The following COL21A1 variants were observed in gnomAD, a reference collection of about 807,000 sequenced individuals.
COL21A1 encodes the protein collagen type XXI alpha 1 chain, also known as collagen alpha-1(XXI) chain.
A neutral mutation model predicts 137.9 loss-of-function variants in COL21A1; 149 were observed. The observed-to-expected ratio is 1.08, with a 90% CI of 0.95 to 1.24. The LOEUF is 1.24. Ranked by LOEUF, COL21A1 falls within the 50% of genes most tolerant of loss-of-function variation. COL21A1 has a pLI of 0.00. For synonymous variants in COL21A1, 456 were observed against 391.5 expected, an observed-to-expected ratio of 1.16 and a Z score of -1.95; for missense variants, 1,167 against 1,158.4, an observed-to-expected ratio of 1.01 and a Z score of -0.11.
chr6:56,344,017 G>C (rs553071345), intron 1 of COL21A1, among the ~76,000 whole-genome samples: 3 of 152,320 alleles, frequency 2.0e-5, no homozygotes, highest in African/African-American at 7.2e-5. Context: ...ATTTTGGCCA[G>C]TTTTCATTGT....
At chr6:56,371,028 C>A (rs6899968) in intron 1 of COL21A1, among the ~76,000 whole-genome samples, 105,867 of 152,030 alleles carry the variant, frequency 0.7, 37,222 homozygotes, top group East Asian at 0.93. Context: ...ACCTGCTTTC[C>A]CTTCCTCTAG....
At chr6:56,352,909 C>T (rs748180229) in intron 1 of COL21A1, among the ~76,000 whole-genome samples, 13 of 151,964 alleles carry the variant, frequency 8.6e-5, no homozygotes, top group Non-Finnish European at 1.8e-4. Flanking sequence ...GGCGTGGTGG[C>T]GCAAGTCTGT....
rs371191852 is a variant in COL21A1, at chr6:56,297,211, G to A, written c.-39+96760C>T. 2.2e-3 allele frequency among the ~76,000 whole-genome samples: 335 copies of A among 152,128 alleles called. 2 individuals are homozygous for A. Among genetic ancestry groups the A allele is most frequent in the African/African-American group, 7.7e-3 (318 of 41,538 alleles). ...CTCAACACAGATTAAGTTGCCATGC[G>A]CATGAGTTACTCAGCATGAATAAAA... On this transcript the variant is annotated intron_variant, in intron 1 of 28. Coordinates refer to the COL21A1 transcript ENST00000370819.
At chr6:56,139,114 T>C (rs1774213440) in intron 12 of COL21A1, among the ~76,000 whole-genome samples, 1 of 152,124 alleles carries the variant, frequency 6.6e-6, no homozygotes, top group Admixed American at 6.6e-5. Context: ...TCTGTCTGAT[T>C]GTTTCAGATG....
rs1765038478 is a variant in COL21A1, at chr6:56,325,661, T to TA, written c.-39+68309_-39+68310insT. ...AATATATAATATAATATATTATATA[T>TA]TAAATATATTATATATAATAGATAA... On this transcript the variant is annotated intron_variant, in intron 1 of 28. Transcript: ENST00000370819. Among the ~76,000 whole-genome samples the TA allele has an allele frequency of 0.01, 8 of 784 alleles. 4 individuals carry two copies. The Non-Finnish European group carries it at 0.18, about 18-fold the overall frequency. The allele number at this position is 784 out of a possible 152,430, so 0.5% of individuals were successfully genotyped here.
At chr6:56,158,899 T>C (rs555524618) in intron 9 of COL21A1, among the ~76,000 whole-genome samples, 20 of 152,272 alleles carry the variant, frequency 1.3e-4, no homozygotes, top group African/African-American at 4.8e-4. Flanking sequence ...TGCTGAACCA[T>C]GTAATGTCTC....
At chr6:56,379,709 T>C (rs1161390112) in intron 1 of COL21A1, among the ~76,000 whole-genome samples, 2 of 152,246 alleles carry the variant, frequency 1.3e-5, no homozygotes, top group African/African-American at 2.4e-5. Flanking sequence ...GGAAAGAGCA[T>C]AGGATTTCGT....
At chr6:56,221,425 T>A (rs1214327188) in intron 1 of COL21A1, among the ~76,000 whole-genome samples, 1 of 152,166 alleles carries the variant, frequency 6.6e-6, no homozygotes, top group Non-Finnish European at 1.5e-5. Context: ...CTCAATTTGT[T>A]TAAAATATTG....
intron 1 of COL21A1, among the ~76,000 whole-genome samples, chr6:56,262,741 G>C (rs1167836509): frequency 2.0e-5 from 3 of 152,058 alleles, no homozygotes; most frequent in Non-Finnish European, 4.4e-5. Context: ...AGGTCAAAAA[G>C]CACTACTATT....
chr6:56,190,740 A>C (rs6459129), intron 1 of COL21A1, among the ~76,000 whole-genome samples: 98,481 of 152,008 alleles, frequency 0.65, 32,313 homozygotes, highest in East Asian at 0.86. Context: ...ACTTATCCAC[A>C]ACAATCAAAT....
intron 20 of COL21A1, among the ~76,000 whole-genome samples, chr6:56,071,934 T>G (rs1380417543): frequency 6.6e-6 from 1 of 151,548 alleles, no homozygotes; most frequent in Non-Finnish European, 1.5e-5. Context: ...AAGCCCAGCA[T>G]GCATTAGCTA....
chr6:56,317,320 G>A (rs180765009), intron 1 of COL21A1, among the ~76,000 whole-genome samples: 1 of 152,202 alleles, frequency 6.6e-6, no homozygotes, highest in African/African-American at 2.4e-5. Context: ...CTGGCACCAT[G>A]CAAAATATTT....
chr6:56,126,178 A>T, intron 12 of COL21A1, 29 bp from the exon 13 acceptor site: 1 of 1,460,230 alleles, frequency 6.8e-7, no homozygotes, highest in Non-Finnish European at 9.4e-7. Context: ...TTAATTACAA[A>T]GAAAAACCAT....
chr6:56,264,771 C>T (rs1377704742), intron 1 of COL21A1, among the ~76,000 whole-genome samples: 1 of 152,190 alleles, frequency 6.6e-6, no homozygotes, highest in Non-Finnish European at 1.5e-5. Context: ...TCCATATCAT[C>T]TAAACTCCAA....
chr6:56,105,463 CATT>C (rs1052183810), intron 16 of COL21A1, among the ~76,000 whole-genome samples: 5 of 152,024 alleles, frequency 3.3e-5, no homozygotes, highest in African/African-American at 7.2e-5. Flanking sequence ...TATAGTTTGT[CATT>C]ATAATTTTGG....
At chr6:56,079,084 T>A (rs1038832032) in intron 17 of COL21A1, among the ~76,000 whole-genome samples, 4 of 151,736 alleles carry the variant, frequency 2.6e-5, no homozygotes, top group African/African-American at 9.7e-5. Flanking sequence ...TCCATTTGAA[T>A]GAACCGTAAT....
chr6:56,224,697 C>G (rs779691024), intron 1 of COL21A1, among the ~76,000 whole-genome samples: 2 of 151,984 alleles, frequency 1.3e-5, no homozygotes. Flanking sequence ...GCCGTTCTTT[C>G]TCTGATATTT....
At chr6:56,361,212 C>G (rs2152348483) in intron 1 of COL21A1, among the ~76,000 whole-genome samples, 1 of 152,238 alleles carries the variant, frequency 6.6e-6, no homozygotes, top group African/African-American at 2.4e-5. Context: ...TTTGTTGACT[C>G]TCAGTTCTCT....
chr6:56,087,120 A>C (rs1768337903), intron 17 of COL21A1, among the ~76,000 whole-genome samples: 1 of 151,628 alleles, frequency 6.6e-6, no homozygotes, highest in African/African-American at 2.4e-5. Flanking sequence ...TGCCATATCC[A>C]CAATCTCTTT....
Sources: allele counts gnomAD v4.1 joint callset (sites outside exome capture counted in the v4.1 genomes callset), GRCh38; gene constraint gnomAD v4.1.1; transcripts MANE v1.5; gene names NCBI Gene and HGNC (gene_info 2026-07-23, HGNC 2026-07-21).